Variants in SEMA3E observed in about 807,000 individuals in gnomAD.
SEMA3E encodes the protein semaphorin 3E.
In SEMA3E, 49 loss-of-function variants were observed where a neutral mutation model predicts 93.6. The observed-to-expected ratio is 0.52, with a 90% CI of 0.42 to 0.66. The LOEUF (loss-of-function observed/expected upper bound fraction) is 0.66, where lower values mean the gene tolerates loss of function less well. Ranked by LOEUF, SEMA3E falls within the 30% of genes least tolerant of loss-of-function variation. The pLI is 0.00. For missense variants in SEMA3E, 906 were observed against 964.8 expected (o/e 0.94, Z 0.81); for synonymous variants, 363 against 330.7 (o/e 1.10, Z -1.06).
At chr7:83,581,186 C>G (rs1792510652) in intron 1 of SEMA3E, among the ~76,000 whole-genome samples, 2 of 151,942 alleles carry the variant, frequency 1.3e-5, no homozygotes, top group Non-Finnish European at 2.9e-5. Flanking sequence ...TAGCTAATAT[C>G]CTTAACTCCT....
chr7:83,485,621 G>A (rs1312141938), intron 2 of SEMA3E, among the ~76,000 whole-genome samples: 1 of 151,964 alleles, frequency 6.6e-6, no homozygotes, highest in African/African-American at 2.4e-5. Flanking sequence ...CAAAAGTAGT[G>A]ACACTACATA....
At chr7:83,563,324 C>T (rs907030555) in intron 1 of SEMA3E, among the ~76,000 whole-genome samples, 1 of 152,190 alleles carries the variant, frequency 6.6e-6, no homozygotes. Context: ...CAACAAAATA[C>T]ATTTCTCTGT....
At chr7:83,488,429 A>C (rs1241684589) in intron 2 of SEMA3E, among the ~76,000 whole-genome samples, 2 of 152,102 alleles carry the variant, frequency 1.3e-5, no homozygotes, top group African/African-American at 4.8e-5. Flanking sequence ...TGGGTGAGAG[A>C]CAGGTTACAA....
At chr7:83,566,921 C>G (rs215243) in intron 1 of SEMA3E, among the ~76,000 whole-genome samples, 39,461 of 152,042 alleles carry the variant, frequency 0.26, 5,224 homozygotes, top group African/African-American at 0.3. Context: ...AATAAACCCT[C>G]ACATATCAGT....
At chr7:83,550,760 A>C (rs977279003) in intron 1 of SEMA3E, among the ~76,000 whole-genome samples, 3 of 152,080 alleles carry the variant, frequency 2.0e-5, no homozygotes, top group Non-Finnish European at 4.4e-5. Flanking sequence ...AGAAACTCCA[A>C]CCATTTCCTG....
At chr7:83,573,437 T>G (rs1033618472) in intron 1 of SEMA3E, among the ~76,000 whole-genome samples, 1 of 152,094 alleles carries the variant, frequency 6.6e-6, no homozygotes, top group African/African-American at 2.4e-5. Flanking sequence ...ATGTATAATT[T>G]GTCTTAAAAA....
intron 1 of SEMA3E, among the ~76,000 whole-genome samples, chr7:83,616,960 G>A (rs1793381716): frequency 6.6e-6 from 1 of 151,956 alleles, no homozygotes; most frequent in Non-Finnish European, 1.5e-5. Flanking sequence ...CCTGAACTCA[G>A]GTGATCCACC....
At chr7:83,424,530 C>A (rs1214972160) in intron 4 of SEMA3E, among the ~76,000 whole-genome samples, 1 of 152,158 alleles carries the variant, frequency 6.6e-6, no homozygotes, top group Non-Finnish European at 1.5e-5. Context: ...GTAATTAAAT[C>A]CCTAACAACA....
intron 1 of SEMA3E, among the ~76,000 whole-genome samples, chr7:83,566,388 T>C (rs983439444): frequency 6.6e-6 from 1 of 152,164 alleles, no homozygotes; most frequent in Non-Finnish European, 1.5e-5. Context: ...TTATAATCAA[T>C]GATTGACTCT....
chr7:83,489,650 TAA>T, intron 2 of SEMA3E, among the ~76,000 whole-genome samples: 1 of 152,260 alleles, frequency 6.6e-6, no homozygotes, highest in Middle Eastern at 3.4e-3. Flanking sequence ...TTTAAATGTA[TAA>T]GTTACTCCAC....
chr7:83,375,010 C>A (rs543429601), intron 16 of SEMA3E, among the ~76,000 whole-genome samples: 2 of 152,012 alleles, frequency 1.3e-5, no homozygotes, highest in Non-Finnish European at 2.9e-5. Flanking sequence ...ATGATTAATG[C>A]GGTTTGACAA....
chr7:83,595,400 C>A (rs1316461262), intron 1 of SEMA3E, among the ~76,000 whole-genome samples: 2 of 152,032 alleles, frequency 1.3e-5, no homozygotes, highest in Non-Finnish European at 2.9e-5. Context: ...TATCTTTCCT[C>A]TGGCTTTCCC....
chr7:83,422,480 C>T (rs1387491049), intron 4 of SEMA3E, among the ~76,000 whole-genome samples: 6 of 152,312 alleles, frequency 3.9e-5, no homozygotes, highest in Non-Finnish European at 7.4e-5. Flanking sequence ...AGACCCACAT[C>T]ATTTCATGGA....
intron 1 of SEMA3E, among the ~76,000 whole-genome samples, chr7:83,562,790 T>A (rs76588579): frequency 0.052 from 7,947 of 152,114 alleles, 568 homozygotes; most frequent in African/African-American, 0.16. Flanking sequence ...AGAAGAATCA[T>A]ATCCAATCTA....
intron 1 of SEMA3E, among the ~76,000 whole-genome samples, chr7:83,635,194 T>C (rs1024124665): frequency 3.3e-5 from 5 of 152,016 alleles, no homozygotes; most frequent in African/African-American, 1.2e-4. Context: ...TTTTATTATA[T>C]TATTTATTTT....
At chr7:83,540,297 A>G (rs1456593177) in intron 1 of SEMA3E, among the ~76,000 whole-genome samples, 2 of 152,222 alleles carry the variant, frequency 1.3e-5, no homozygotes, top group Admixed American at 1.3e-4. Flanking sequence ...CAGTAGGCAT[A>G]ATCTTTATAC....
chr7:83,615,568 G>C (rs1160487687), intron 1 of SEMA3E, among the ~76,000 whole-genome samples: 1 of 151,894 alleles, frequency 6.6e-6, no homozygotes, highest in Non-Finnish European at 1.5e-5. Flanking sequence ...AGATTTATAG[G>C]TTAAAAAATA....
intron 9 of SEMA3E, 112 bp from the exon 10 acceptor site, chr7:83,402,888 A>G: frequency 9.8e-7 from 1 of 1,020,374 alleles, no homozygotes; most frequent in East Asian, 2.6e-5. Flanking sequence ...AGTGGTTGCA[A>G]TTTCTTTAAG....
chr7:83,648,406 A>T, intron 1 of SEMA3E, 22 bp downstream of exon 1: 7 of 1,449,582 alleles, frequency 4.8e-6, no homozygotes, highest in Non-Finnish European at 6.8e-6. Context: ...TTTAAACAAA[A>T]GGATCTGGAA....
Sources: gnomAD v4.1 joint callset for allele counts (sites outside exome capture counted in the v4.1 genomes callset) on GRCh38, gnomAD v4.1.1 for gene constraint, MANE v1.5 for transcripts, NCBI Gene and HGNC (gene_info 2026-07-23, HGNC 2026-07-21) for gene names.